MYO1B: variants seen among roughly 807,000 people sequenced by gnomAD.
The protein encoded by MYO1B is unconventional myosin-Ib.
MYO1B carries 72 observed loss-of-function variants against 159.7 expected under a neutral mutation model. That is an observed-to-expected ratio of 0.45 (90% CI 0.37 to 0.55). The LOEUF (loss-of-function observed/expected upper bound fraction) is 0.55. MYO1B is among the 20% of genes least tolerant of loss of function. The probability of loss-of-function intolerance (pLI) is 0.00; values close to 1 mark genes in which losing one functional copy is unlikely to be tolerated. For missense variants in MYO1B, 1,062 were observed against 1,364.8 expected (o/e 0.78, Z 3.50); for synonymous variants, 468 against 473.8 (o/e 0.99, Z 0.16).
chr2:191,341,113 C>A (rs1692195593), intron 4 of MYO1B, among the ~76,000 whole-genome samples: 1 of 152,022 alleles, frequency 6.6e-6, no homozygotes, highest in African/African-American at 2.4e-5. Flanking sequence ...TAAAGATACC[C>A]AGGTTATCAA....
intron 1 of MYO1B, among the ~76,000 whole-genome samples, chr2:191,260,165 TA>T (rs1207101502): frequency 1.3e-5 from 2 of 151,610 alleles, no homozygotes; most frequent in East Asian, 3.9e-4. Flanking sequence ...TTACTTTGGT[TA>T]AAATAAGATT....
At chr2:191,268,523 A>T (rs1442129442) in intron 1 of MYO1B, among the ~76,000 whole-genome samples, 1 of 152,164 alleles carries the variant, frequency 6.6e-6, no homozygotes, top group East Asian at 1.9e-4. Flanking sequence ...GTCTCCTATG[A>T]GGAATGGTTA....
intron 4 of MYO1B, among the ~76,000 whole-genome samples, chr2:191,339,885 C>A (rs549184634): frequency 6.6e-6 from 1 of 152,126 alleles, no homozygotes; most frequent in African/African-American, 2.4e-5. Context: ...AGTGGCATTC[C>A]AATTTTTCAC....
intron 2 of MYO1B, among the ~76,000 whole-genome samples, chr2:191,295,176 CCTGTCTTTTATGATGTT>C (rs1406920431): frequency 2.0e-5 from 3 of 152,032 alleles, no homozygotes; most frequent in Non-Finnish European, 2.9e-5. Flanking sequence ...TTTTCCCCCT[CCTGTCTTTTATGATGTT>C]GAAACTGAAG....
intron 21 of MYO1B, among the ~76,000 whole-genome samples, chr2:191,399,856 C>T (rs371418805): frequency 2.6e-5 from 4 of 152,160 alleles, no homozygotes; most frequent in East Asian, 1.9e-4. Flanking sequence ...GAGGAAGGAC[C>T]CAAAGTCCAC....
intron 3 of MYO1B, among the ~76,000 whole-genome samples, chr2:191,324,647 C>G (rs1156801365): frequency 6.6e-6 from 1 of 152,102 alleles, no homozygotes; most frequent in Non-Finnish European, 1.5e-5. Context: ...CCTTTTCTTG[C>G]CCTGAAGCTT....
At position 191,424,165 on chromosome 2, in the gene MYO1B, T is replaced by C. The variant is rs1352963506; in HGVS notation, c.*205T>C. ...CATGTTCTGTCCTGGAGCAGGATTG[T>C]AGAAACTAACAGTGTCTATTTTCAT... On this transcript the variant is annotated 3_prime_UTR_variant, in exon 31 of 31. Transcript: ENST00000392318. 1 of 574,864 alleles carries C rather than the reference T, an allele frequency of 1.7e-6. No homozygotes were observed. The highest frequency in any genetic ancestry group is 2.9e-5 in the East Asian group (1 of 34,678). 35.6% of individuals were successfully genotyped at this position (574,864 alleles called of 1,614,324 possible).
intron 3 of MYO1B, among the ~76,000 whole-genome samples, chr2:191,300,035 A>G (rs1348790821): frequency 6.6e-6 from 1 of 152,080 alleles, no homozygotes; most frequent in Non-Finnish European, 1.5e-5. Context: ...ATGGTGGGTC[A>G]TTTTCCACTT....
In MYO1B at chr2:191,286,589, A is replaced by G. The variant is rs542533044; in HGVS notation, c.136-9522A>G. Among the ~76,000 whole-genome samples, 4 of 152,320 alleles carry G rather than the reference A, an allele frequency of 2.6e-5. No individual in the cohort carries two copies. The South Asian group carries it at 8.3e-4, about 32-fold the overall frequency. On this transcript the variant is annotated intron_variant, in intron 2 of 30. Transcript: ENST00000392318. ...CTAGACTTTTAATATTAGTTTTATTAAGACATACCTTATGTGCTTATCTGA... is the reference window on the plus strand; with the variant it reads ...CTAGACTTTTAATATTAGTTTTATTGAGACATACCTTATGTGCTTATCTGA...
At chr2:191,375,498 T>C (rs76486702) in intron 13 of MYO1B, among the ~76,000 whole-genome samples, 2 of 151,896 alleles carry the variant, frequency 1.3e-5, no homozygotes, top group Admixed American at 1.3e-4. Context: ...GATAGATAGA[T>C]AGATAGATAG....
chr2:191,392,078 A>G, intron 18 of MYO1B, 30 bp from the exon 19 acceptor site: 2 of 1,538,820 alleles, frequency 1.3e-6, no homozygotes, highest in South Asian at 1.2e-5. Context: ...TAACTCAGAA[A>G]ACTCACTGTT....
chr2:191,287,015 T>C (rs2125781019), intron 2 of MYO1B, among the ~76,000 whole-genome samples: 1 of 152,320 alleles, frequency 6.6e-6, no homozygotes, highest in Non-Finnish European at 1.5e-5. Context: ...AATTTAGCCA[T>C]GGTATTAACA....
chr2:191,323,644 G>T (rs1690868777), intron 3 of MYO1B, among the ~76,000 whole-genome samples: 2 of 152,124 alleles, frequency 1.3e-5, no homozygotes, highest in African/African-American at 2.4e-5. Flanking sequence ...AAACAAGTAT[G>T]ATTCTAAAGG....
chr2:191,322,273 C>T (rs146823176), intron 3 of MYO1B, among the ~76,000 whole-genome samples: 5 of 152,274 alleles, frequency 3.3e-5, no homozygotes, highest in African/African-American at 1.2e-4. Flanking sequence ...CAAAGAGCGG[C>T]TTCCAGGCCC....
chr2:191,353,644 T>G (rs1183979523), intron 7 of MYO1B, among the ~76,000 whole-genome samples: 1 of 152,202 alleles, frequency 6.6e-6, no homozygotes, highest in African/African-American at 2.4e-5. Context: ...AGCCTACTTT[T>G]GCAACTCTTG....
At chr2:191,367,692 G>T (rs1429010865) in intron 11 of MYO1B, among the ~76,000 whole-genome samples, 1 of 152,146 alleles carries the variant, frequency 6.6e-6, no homozygotes, top group African/African-American at 2.4e-5. Context: ...ATGAAAAAGG[G>T]CTCATTTACA....
chr2:191,326,809 T>TGCGC (rs1216576159), intron 3 of MYO1B, among the ~76,000 whole-genome samples: 13 of 140,654 alleles, frequency 9.2e-5, no homozygotes, highest in Non-Finnish European at 1.7e-4. Flanking sequence ...TGTGTGTGTG[T>TGCGC]GTGTGTGCGC....
chr2:191,419,321 C>T (rs1327059090), intron 30 of MYO1B, among the ~76,000 whole-genome samples: 3 of 152,018 alleles, frequency 2.0e-5, no homozygotes, highest in Non-Finnish European at 4.4e-5. Flanking sequence ...TGGGTTCATG[C>T]CATTCTCCTG....
chr2:191,418,164 T>A (rs1196964004), intron 30 of MYO1B, among the ~76,000 whole-genome samples: 1 of 152,166 alleles, frequency 6.6e-6, no homozygotes, highest in Non-Finnish European at 1.5e-5. Flanking sequence ...CTTCCCCAGG[T>A]GGCACAGGAA....
Sources: allele counts gnomAD v4.1 joint callset (sites outside exome capture counted in the v4.1 genomes callset), GRCh38; gene constraint gnomAD v4.1.1; transcripts MANE v1.5; gene names NCBI Gene and HGNC (gene_info 2026-07-23, HGNC 2026-07-21).